Variants in HNRNPC observed in about 807,000 individuals in gnomAD.
The protein encoded by HNRNPC is heterogeneous nuclear ribonucleoproteins C1/C2.
Under a neutral mutation model 33.2 loss-of-function variants are expected in HNRNPC, and 3 were observed. The ratio of observed to expected loss-of-function variants is 0.09; its 90% CI spans 0.04 to 0.23. HNRNPC has a LOEUF of 0.23. HNRNPC is among the 10% of genes least tolerant of loss of function. The pLI is 1.00. For synonymous variants in HNRNPC, 121 were observed against 126.7 expected (o/e 0.96, Z 0.30); for missense variants, 143 against 366.7 (o/e 0.39, Z 4.98).
chr14:21,221,765 C>T (rs1199104953), intron 5 of HNRNPC, among the ~76,000 whole-genome samples: 2 of 151,986 alleles, frequency 1.3e-5, no homozygotes, highest in Non-Finnish European at 2.9e-5. Context: ...AAACAAATGG[C>T]TGGGCTGGGC....
chr14:21,223,569 C>A (rs1008827754), intron 5 of HNRNPC, among the ~76,000 whole-genome samples: 1 of 151,970 alleles, frequency 6.6e-6, no homozygotes, highest in Non-Finnish European at 1.5e-5. Context: ...GGCAACATGA[C>A]AAAACCTAAT....
intron 1 of HNRNPC, among the ~76,000 whole-genome samples, 175 bp downstream of exon 1, chr14:21,269,123 T>C (rs1879520420): frequency 6.6e-6 from 1 of 152,052 alleles, no homozygotes; most frequent in African/African-American, 2.4e-5. Flanking sequence ...GTTAAACCTA[T>C]ACAGAGGCTG....
At chr14:21,244,797 A>G (rs1895774761) in intron 2 of HNRNPC, among the ~76,000 whole-genome samples, 1 of 152,204 alleles carries the variant, frequency 6.6e-6, no homozygotes, top group East Asian at 1.9e-4. Flanking sequence ...ACAAACCTGC[A>G]TAGCATGCAC....
At chr14:21,254,134 T>C (rs1876707938) in intron 2 of HNRNPC, among the ~76,000 whole-genome samples, 1 of 151,614 alleles carries the variant, frequency 6.6e-6, no homozygotes, top group East Asian at 1.9e-4. Flanking sequence ...CTTGAATAAT[T>C]ATATTTCTGG....
rs1594346452 is a variant in HNRNPC, at chr14:21,265,937, A to C, written c.-62-2601T>G. ...AGCATCATCACCTGGAACTTACTAG[A>C]AGTGCAAACTCTCAGGGCCCACCCC... On this transcript the variant is annotated intron_variant, in intron 1 of 8. Coordinates refer to ENST00000553300, the MANE Select transcript of HNRNPC (RefSeq NM_004500.4). Among the ~76,000 whole-genome samples the C allele has an allele frequency of 2.0e-5, 3 of 152,200 alleles. No homozygotes were observed. In the South Asian group the frequency reaches 6.2e-4, roughly 31 times the overall value.
At chr14:21,225,287 C>A (rs545046895) in intron 5 of HNRNPC, among the ~76,000 whole-genome samples, 8 of 151,672 alleles carry the variant, frequency 5.3e-5, no homozygotes, top group Admixed American at 6.6e-5. Context: ...AAATTAGCCA[C>A]GCATGGTGGC....
chr14:21,229,100 A>G (rs11848510), intron 5 of HNRNPC, among the ~76,000 whole-genome samples: 3,395 of 149,466 alleles, frequency 0.023, 79 homozygotes, highest in Middle Eastern at 0.086. Flanking sequence ...AAAAAAAAAA[A>G]AAAAATCAGG....
At chr14:21,261,331 G>T (rs912520794) in intron 2 of HNRNPC, among the ~76,000 whole-genome samples, 1 of 152,098 alleles carries the variant, frequency 6.6e-6, no homozygotes, top group Non-Finnish European at 1.5e-5. Context: ...TGAACCTATA[G>T]TGAACAGCTT....
intron 5 of HNRNPC, among the ~76,000 whole-genome samples, chr14:21,216,200 G>A (rs1361200834): frequency 1.3e-5 from 2 of 150,370 alleles, no homozygotes; most frequent in East Asian, 2.0e-4. Flanking sequence ...GTACTAAGAA[G>A]AGGTTTTCAA....
intron 3 of HNRNPC, chr14:21,231,417 T>C (rs575050684): frequency 6.5e-6 from 3 of 464,222 alleles, no homozygotes; most frequent in African/African-American, 4.0e-5. Flanking sequence ...AGTGCAGTGA[T>C]GCAATAATGG....
At chr14:21,244,681 T>G (rs865835659) in intron 2 of HNRNPC, among the ~76,000 whole-genome samples, 1 of 152,316 alleles carries the variant, frequency 6.6e-6, no homozygotes, top group East Asian at 1.9e-4. Flanking sequence ...TTATGCAATT[T>G]TGTCACTGTG....
At chr14:21,244,550 A>C (rs1054307098) in intron 2 of HNRNPC, among the ~76,000 whole-genome samples, 2 of 152,198 alleles carry the variant, frequency 1.3e-5, no homozygotes, top group African/African-American at 4.8e-5. Context: ...ATGATATACG[A>C]TTCTAAATCA....
chr14:21,264,387 A>G (rs1039223454), intron 1 of HNRNPC: 3 of 152,232 alleles, frequency 2.0e-5, no homozygotes, highest in Non-Finnish European at 4.4e-5. Context: ...AATAAGGAGC[A>G]CATTATTCCA....
At chr14:21,227,660 T>C (rs1893627340) in intron 5 of HNRNPC, among the ~76,000 whole-genome samples, 1 of 152,236 alleles carries the variant, frequency 6.6e-6, no homozygotes, top group East Asian at 1.9e-4. Flanking sequence ...TTTCTTTAGA[T>C]TTCTCTGCAG....
intron 2 of HNRNPC, among the ~76,000 whole-genome samples, chr14:21,247,225 G>A (rs942005613): frequency 5.9e-5 from 9 of 152,052 alleles, no homozygotes; most frequent in Non-Finnish European, 1.0e-4. Context: ...TTAGCAGTTC[G>A]TATTTCATCC....
intron 1 of HNRNPC, among the ~76,000 whole-genome samples, chr14:21,266,650 T>G (rs1879029615): frequency 6.7e-6 from 1 of 149,356 alleles, no homozygotes; most frequent in African/African-American, 2.5e-5. Flanking sequence ...GTAAATCTAG[T>G]ATGCACAAAA....
chr14:21,253,312 T>TAAA (rs369876564), intron 2 of HNRNPC, among the ~76,000 whole-genome samples: 4 of 133,070 alleles, frequency 3.0e-5, no homozygotes, highest in African/African-American at 5.6e-5. Context: ...CCATCTCTAC[T>TAAA]AAAAAAAAAA....
chr14:21,211,225 AAG>A lies in HNRNPC; in HGVS notation c.878_879del (p.Ser293LeufsTer4), dbSNP rs961615979. Reference protein sequence around the residue: ...DRDSANGEDDS With the variant: ...DRDSANGEDDX Reference sequence around the variant, plus strand: ...GATTTCTAAACCCCACTATGTGCTTAAGAGTCATCCTCGCCATTGGCGCTGTC... The same window carrying A: ...GATTTCTAAACCCCACTATGTGCTTAAGTCATCCTCGCCATTGGCGCTGTC... On this transcript the variant is annotated frameshift_variant, in exon 9 of 9. Transcript: ENST00000553300. LOFTEE classifies it high-confidence loss of function. 6.2e-7 allele frequency: 1 copy of A among 1,613,480 alleles called. No individual in the cohort carries two copies. The highest frequency in any genetic ancestry group is 1.3e-5 in the African/African-American group (1 of 74,880).
At chr14:21,264,019 A>G (rs745579092) in intron 1 of HNRNPC, 3 of 152,244 alleles carry the variant, frequency 2.0e-5, no homozygotes, top group Non-Finnish European at 1.5e-5. Context: ...CAACATCAAT[A>G]GATGACTAAA....
Sources: gnomAD v4.1 joint callset for allele counts (sites outside exome capture counted in the v4.1 genomes callset) on GRCh38, gnomAD v4.1.1 for gene constraint, MANE v1.5 for transcripts, NCBI Gene and HGNC (gene_info 2026-07-23, HGNC 2026-07-21) for gene names.